Variants in HS6ST2 observed in about 807,000 individuals in gnomAD.
The protein encoded by HS6ST2 is heparan-sulfate 6-O-sulfotransferase 2.
HS6ST2 carries 17 observed loss-of-function variants against 33.0 expected under a neutral mutation model. The observed-to-expected ratio is 0.52, with a 90% CI of 0.35 to 0.77. The LOEUF is 0.77. Among genes scored for constraint, HS6ST2 ranks in the 30% least tolerant of loss-of-function variants. The probability of loss-of-function intolerance (pLI) is 0.01; values close to 1 mark genes in which losing one functional copy is unlikely to be tolerated. For missense variants in HS6ST2, 519 were observed against 551.7 expected, an observed-to-expected ratio of 0.94 and a Z score of 0.59; for synonymous variants, 248 against 237.1, an observed-to-expected ratio of 1.05 and a Z score of -0.42.
intron 2 of HS6ST2, among the ~76,000 whole-genome samples, chrX:132,772,831 A>G (rs1318459085): frequency 5.5e-5 from 5 of 90,519 alleles, no homozygotes; most frequent in African/African-American, 2.1e-4. Context: ...TATATATTCT[A>G]TAATATAAAA....
At position 132,957,177 on chromosome X, in the gene HS6ST2, G is replaced by A. The variant is rs776745439; in HGVS notation, c.578C>T (p.Pro193Leu). 8.3e-7 allele frequency: 1 copy of A among 1,211,876 alleles called. No homozygotes were observed. Among genetic ancestry groups the A allele is most frequent in the Non-Finnish European group, 1.1e-6 (1 of 895,411 alleles). Reference protein sequence around the residue: ...LQAFSSPVPDPYRSEDESSAR... With the variant: ...LQAFSSPVPDLYRSEDESSAR... ...GGAGCTCTCATCCTCCGAGCGGTAC[G>A]GGTCCGGCACCGGGGAGCTGAACGC... is the stretch of plus-strand genomic sequence containing the variant. The change falls in exon 2 of 5, where the codon CCG becomes CTG. Residue 193 changes from proline (P) to leucine (L), a missense_variant. Transcript: ENST00000370833.
At position 132,637,854 on chromosome X, in the gene HS6ST2, T is replaced by C. The variant is rs1343504466; in HGVS notation, c.1068-8761A>G. Among the ~76,000 whole-genome samples, 4 of 26,562 alleles carry C rather than the reference T, an allele frequency of 1.5e-4. No individual in the cohort carries two copies. The Admixed American group carries it at 2.0e-3, about 13-fold the overall frequency. The allele number at this position is 26,562 out of a possible 115,157, so 23.1% of individuals were successfully genotyped here. ...TATATATAATATTTTATATATAATA[T>C]ATATATAATATATTATATATAATAT... On this transcript the variant is annotated intron_variant, in intron 4 of 4. Transcript: ENST00000370833.
At chrX:132,927,203 C>T (rs1278836543) in intron 2 of HS6ST2, among the ~76,000 whole-genome samples, 5 of 110,809 alleles carry the variant, frequency 4.5e-5, no homozygotes, top group Non-Finnish European at 9.4e-5. Flanking sequence ...GTTCTTCCTC[C>T]TAAACCTCCT....
chrX:132,681,837 A>G (rs1372282740), intron 3 of HS6ST2, among the ~76,000 whole-genome samples: 1 of 111,837 alleles, frequency 8.9e-6, no homozygotes, highest in Non-Finnish European at 1.9e-5. Context: ...AACCTATACA[A>G]ACCTGGTGTC....
chrX:132,883,728 T>C (rs912071487), intron 2 of HS6ST2, among the ~76,000 whole-genome samples: 1 of 111,057 alleles, frequency 9.0e-6, no homozygotes, highest in African/African-American at 3.3e-5. Context: ...TCTGTGGCCA[T>C]AAAAGGAGCA....
intron 2 of HS6ST2, among the ~76,000 whole-genome samples, chrX:132,898,407 A>ATATATATAT (rs1569502414): frequency 2.9e-5 from 3 of 102,764 alleles, no homozygotes; most frequent in Non-Finnish European, 3.9e-5. Flanking sequence ...ATATATATAT[A>ATATATATAT]AGCTTCTCTG....
intron 2 of HS6ST2, among the ~76,000 whole-genome samples, chrX:132,807,760 G>A (rs1193956904): frequency 1.2e-4 from 13 of 112,086 alleles, no homozygotes; most frequent in Non-Finnish European, 2.1e-4. Flanking sequence ...GCGAAAGGAC[G>A]CTAAGGAAAG....
intron 4 of HS6ST2, among the ~76,000 whole-genome samples, chrX:132,664,714 C>T (rs749276038): frequency 1.7e-4 from 19 of 112,047 alleles, no homozygotes; most frequent in African/African-American, 4.5e-4. Context: ...ATATTTGTGG[C>T]CTTCACTAGT....
chrX:132,785,389 A>C (rs1363805513), intron 2 of HS6ST2, among the ~76,000 whole-genome samples: 1 of 111,380 alleles, frequency 9.0e-6, no homozygotes, highest in African/African-American at 3.3e-5. Flanking sequence ...ATTGCTTTGA[A>C]ATGATGAAAC....
intron 2 of HS6ST2, among the ~76,000 whole-genome samples, chrX:132,792,576 T>G (rs758928542): frequency 2.7e-5 from 3 of 112,285 alleles, no homozygotes; most frequent in African/African-American, 9.7e-5. Context: ...TTATCAGTCA[T>G]GCAACCATTG....
At chrX:132,805,609 C>A (rs1456265379) in intron 2 of HS6ST2, among the ~76,000 whole-genome samples, 2 of 109,325 alleles carry the variant, frequency 1.8e-5, no homozygotes, top group African/African-American at 6.6e-5. Flanking sequence ...CCAAGTATAC[C>A]TCATCCCTAC....
Position 132,859,749 on chromosome X carries a change from AAAGG to A in HS6ST2, c.947+97055_947+97058del, listed in dbSNP as rs1305930343. Among the ~76,000 whole-genome samples the A allele has an allele frequency of 4.5e-5, 4 of 89,271 alleles. No individual in the cohort carries two copies. In the Admixed American group the frequency reaches 5.0e-4, roughly 11 times the overall value. 77.5% of individuals were successfully genotyped at this position (89,271 alleles called of 115,157 possible). ...GGGAGGAAGGGAGGGAGCGAGAAAGAAAGGAAGGAAGGGAGGGAGGAAGGGAGGG... is the reference window on the plus strand; with the variant it reads ...GGGAGGAAGGGAGGGAGCGAGAAAGAAAGGAAGGGAGGGAGGAAGGGAGGG... On this transcript the variant is annotated intron_variant, in intron 2 of 4. Coordinates refer to ENST00000370833, the MANE Select transcript of HS6ST2 (RefSeq NM_001394073.1).
At chrX:132,718,596 C>G (rs146909562) in intron 2 of HS6ST2, among the ~76,000 whole-genome samples, 1,128 of 111,111 alleles carry the variant, frequency 0.01, 6 homozygotes, top group African/African-American at 0.035. Flanking sequence ...ACTTACTGTA[C>G]AAGGCTGCAG....
intron 2 of HS6ST2, among the ~76,000 whole-genome samples, chrX:132,939,467 A>G (rs1459497033): frequency 9.1e-6 from 1 of 110,251 alleles, no homozygotes. Context: ...TCTACTAAAA[A>G]TACAAAAATT....
chrX:132,863,448 T>C (rs1347725847), intron 2 of HS6ST2, among the ~76,000 whole-genome samples: 1 of 109,373 alleles, frequency 9.1e-6, no homozygotes, highest in African/African-American at 3.3e-5. Context: ...GCCTCCCGAG[T>C]AGCTGGGACT....
At chrX:132,665,259 C>T (rs2063800936) in intron 4 of HS6ST2, among the ~76,000 whole-genome samples, 1 of 111,929 alleles carries the variant, frequency 8.9e-6, no homozygotes, top group Admixed American at 9.5e-5. Context: ...TGAGATCTGG[C>T]TCCTGGCCTC....
At chrX:132,920,462 A>C (rs2066640502) in intron 2 of HS6ST2, among the ~76,000 whole-genome samples, 1 of 111,927 alleles carries the variant, frequency 8.9e-6, no homozygotes, top group East Asian at 2.8e-4. Context: ...AGGAAATGGC[A>C]AAACATCTTT....
intron 2 of HS6ST2, among the ~76,000 whole-genome samples, chrX:132,856,525 C>T (rs959879831): frequency 3.6e-5 from 4 of 111,655 alleles, no homozygotes; most frequent in African/African-American, 1.3e-4. Context: ...TACAGGAGTA[C>T]ATTTATCTTT....
intron 2 of HS6ST2, among the ~76,000 whole-genome samples, chrX:132,923,060 C>T (rs1237994294): frequency 1.9e-5 from 1 of 51,768 alleles, no homozygotes. Context: ...TGGACTCTGT[C>T]TCAAAAAAAA....
Sources: gnomAD v4.1 joint callset for allele counts (sites outside exome capture counted in the v4.1 genomes callset) on GRCh38, gnomAD v4.1.1 for gene constraint, MANE v1.5 for transcripts, NCBI Gene and HGNC (gene_info 2026-07-23, HGNC 2026-07-21) for gene names.